Variants in ZHX2 observed in about 807,000 individuals in gnomAD.
ZHX2 encodes zinc fingers and homeoboxes 2.
ZHX2 carries 6 observed loss-of-function variants against 21.9 expected under a neutral mutation model. The observed-to-expected ratio is 0.27, with a 90% CI of 0.15 to 0.54. The LOEUF (loss-of-function observed/expected upper bound fraction) is 0.54, where lower values mean the gene tolerates loss of function less well. ZHX2 is among the 20% of genes least tolerant of loss of function. ZHX2 has a pLI of 0.95. For synonymous variants in ZHX2, 434 were observed against 437.1 expected (o/e 0.99, Z 0.09); for missense variants, 908 against 1,090.7 (o/e 0.83, Z 2.36).
intron 1 of ZHX2, among the ~76,000 whole-genome samples, chr8:122,825,123 C>A (rs1161427983): frequency 2.0e-5 from 3 of 152,218 alleles, no homozygotes; most frequent in Non-Finnish European, 4.4e-5. Context: ...TGTGAGGGAA[C>A]ATAACTGCAA....
intron 2 of ZHX2, among the ~76,000 whole-genome samples, chr8:122,898,483 A>C (rs1820150235): frequency 6.6e-6 from 1 of 152,168 alleles, no homozygotes; most frequent in South Asian, 2.1e-4. Context: ...AAAGGAGTGA[A>C]GTTTGCATGC....
intron 1 of ZHX2, among the ~76,000 whole-genome samples, chr8:122,803,155 C>G (rs1180086107): frequency 2.0e-5 from 3 of 152,144 alleles, no homozygotes; most frequent in Non-Finnish European, 4.4e-5. Flanking sequence ...GTGAAAGCAG[C>G]AAAGCAAACG....
At position 122,782,199 on chromosome 8, in the gene ZHX2, T is replaced by C. The variant is rs1341128401; in HGVS notation, c.-283+253T>C. ...TACAGAGAGGGAAGAAGATTTTTTT[T>C]TTAAGAGTTTTGATTACAAGTTTGG... On this transcript the variant is annotated intron_variant, in intron 1 of 3. Coordinates refer to ENST00000314393, the MANE Select transcript of ZHX2 (RefSeq NM_014943.5). This position sits in a 1 kb window ranked among gnomAD's most constrained non-coding sequence, Gnocchi z 5.3. Among the ~76,000 whole-genome samples the C allele has an allele frequency of 6.6e-6, 1 of 151,972 alleles. No individual in the cohort carries two copies. The highest frequency in any genetic ancestry group is 1.5e-5 in the Non-Finnish European group (1 of 67,974).
intron 2 of ZHX2, among the ~76,000 whole-genome samples, chr8:122,904,151 G>A (rs1820294104): frequency 6.6e-6 from 1 of 152,084 alleles, no homozygotes; most frequent in Non-Finnish European, 1.5e-5. Flanking sequence ...CAAATGCTAA[G>A]GGGCCCAGAA....
chr8:122,876,896 G>C (rs1819587250), intron 2 of ZHX2, among the ~76,000 whole-genome samples: 2 of 152,218 alleles, frequency 1.3e-5, no homozygotes. Flanking sequence ...CAGGGATTGG[G>C]GGACCCAAGC....
rs1333612912 is a variant in ZHX2 at position 122,972,426 on chromosome 8, T to C, written c.*5-816T>C. The stretch of plus-strand genomic sequence containing the variant: ...TTCTGTTTATTAAGTGCACGGACTC[T>C]AGAGATTACCTGGGTTTGAATCTTG... On this transcript the variant is annotated intron_variant, in intron 3 of 3. Transcript: ENST00000314393. Among the ~76,000 whole-genome samples, 3 of 152,212 alleles carry C rather than the reference T, an allele frequency of 2.0e-5. No individual in the cohort carries two copies. In the East Asian group the frequency reaches 5.8e-4, roughly 29 times the overall value.
chr8:122,963,298 A>G (rs1217629632), intron 3 of ZHX2, among the ~76,000 whole-genome samples: 1 of 152,188 alleles, frequency 6.6e-6, no homozygotes, highest in Admixed American at 6.5e-5. Flanking sequence ...TGATTTTTGT[A>G]TAAGGTGAGA....
At chr8:122,793,547 G>C (rs1817562540) in intron 1 of ZHX2, among the ~76,000 whole-genome samples, 1 of 152,220 alleles carries the variant, frequency 6.6e-6, no homozygotes, top group Non-Finnish European at 1.5e-5. Flanking sequence ...CCAAGTAGGG[G>C]CCCTATCATG....
intron 1 of ZHX2, among the ~76,000 whole-genome samples, chr8:122,831,987 C>G (rs1818388327): frequency 6.6e-6 from 1 of 152,116 alleles, no homozygotes. Flanking sequence ...GCATAGCCAG[C>G]ATTCTGGTGT....
At chr8:122,900,690 TA>T (rs1820208916) in intron 2 of ZHX2, among the ~76,000 whole-genome samples, 1 of 152,198 alleles carries the variant, frequency 6.6e-6, no homozygotes, top group African/African-American at 2.4e-5. Flanking sequence ...CCAAAGTTCA[TA>T]AATGGGAGTT....
intron 1 of ZHX2, among the ~76,000 whole-genome samples, chr8:122,801,260 G>A (rs1368995598): frequency 6.6e-6 from 1 of 151,928 alleles, no homozygotes; most frequent in Non-Finnish European, 1.5e-5. Context: ...GGCATATTGG[G>A]CAAATTATCA....
At chr8:122,967,451 G>C (rs1384594149) in intron 3 of ZHX2, among the ~76,000 whole-genome samples, 1 of 152,186 alleles carries the variant, frequency 6.6e-6, no homozygotes, top group African/African-American at 2.4e-5. Context: ...GGGCTGCTGG[G>C]CTCCAGGCTG....
chr8:122,906,946 C>T (rs1308938188), intron 2 of ZHX2, among the ~76,000 whole-genome samples: 1 of 152,120 alleles, frequency 6.6e-6, no homozygotes, highest in African/African-American at 2.4e-5. Context: ...GCTGGGATTA[C>T]AGGCATGAGC....
intron 2 of ZHX2, among the ~76,000 whole-genome samples, chr8:122,884,725 G>A (rs1214217746): frequency 6.6e-6 from 1 of 152,198 alleles, no homozygotes; most frequent in African/African-American, 2.4e-5. Flanking sequence ...GGAAATGCAG[G>A]GTGCAGTGGG....
chr8:122,856,040 A>G (rs1819015347), intron 1 of ZHX2, among the ~76,000 whole-genome samples: 1 of 152,238 alleles, frequency 6.6e-6, no homozygotes, highest in Non-Finnish European at 1.5e-5. Flanking sequence ...AAACAGTTTG[A>G]TTCAGACAGG....
rs539687930 is a variant in ZHX2, at chr8:122,782,809, C to A, written c.-283+863C>A. 1.3e-5 allele frequency among the ~76,000 whole-genome samples: 2 copies of A among 152,198 alleles called. No homozygotes were observed. Among genetic ancestry groups the A allele is most frequent in the Admixed American group, 1.3e-4 (2 of 15,288 alleles). ...TGGCCGGAGCCTCTGCCAGCCCGAG[C>A]CCACGTTCGCCCCCCTGAACGGCAG... On this transcript the variant is annotated intron_variant, in intron 1 of 3. Coordinates refer to ENST00000314393, the MANE Select transcript of ZHX2 (RefSeq NM_014943.5). The surrounding 1 kb of genome is among the most constrained non-coding windows in gnomAD (Gnocchi z 5.3).
chr8:122,817,388 G>T (rs1818058106), intron 1 of ZHX2, among the ~76,000 whole-genome samples: 1 of 152,176 alleles, frequency 6.6e-6, no homozygotes, highest in Non-Finnish European at 1.5e-5. Context: ...GTTGCCGTAT[G>T]AGGCACTAGG....
intron 1 of ZHX2, among the ~76,000 whole-genome samples, chr8:122,809,893 G>GTT (rs1314705255): frequency 6.6e-6 from 1 of 152,092 alleles, no homozygotes; most frequent in East Asian, 1.9e-4. Flanking sequence ...AGTTAGAGAG[G>GTT]TCTCTATGAG....
intron 1 of ZHX2, among the ~76,000 whole-genome samples, chr8:122,862,925 C>T (rs1355145256): frequency 1.3e-5 from 2 of 152,154 alleles, no homozygotes; most frequent in African/African-American, 2.4e-5. Context: ...CAGAACCGGG[C>T]ACATGCCTTT....
Sources: allele counts gnomAD v4.1 joint callset (sites outside exome capture counted in the v4.1 genomes callset), GRCh38; gene constraint gnomAD v4.1.1; non-coding constraint Gnocchi (gnomAD v3.1); transcripts MANE v1.5; gene names NCBI Gene and HGNC (gene_info 2026-07-23, HGNC 2026-07-21).